DOK5: variants seen among roughly 807,000 people sequenced by gnomAD.
DOK5 encodes docking protein 5, also known as downstream of tyrosine kinase 5.
Under a neutral mutation model 43.3 loss-of-function variants are expected in DOK5, and 27 were observed. That is an observed-to-expected ratio of 0.62 (90% confidence interval 0.46 to 0.86). The LOEUF is 0.86. Ranked by LOEUF, DOK5 falls within the 40% of genes least tolerant of loss-of-function variation. DOK5 has a pLI of 0.00. For missense variants in DOK5, 373 were observed against 392.9 expected (o/e 0.95, Z 0.43); for synonymous variants, 146 against 140.1 (o/e 1.04, Z -0.30).
chr20:54,505,457 A>G (rs1203958289), intron 1 of DOK5, among the ~76,000 whole-genome samples: 1 of 152,100 alleles, frequency 6.6e-6, no homozygotes, highest in African/African-American at 2.4e-5. Flanking sequence ...TCAATTCCCA[A>G]ATGTTTATGG....
At chr20:54,512,231 A>G (rs1384245892) in intron 1 of DOK5, among the ~76,000 whole-genome samples, 5 of 152,232 alleles carry the variant, frequency 3.3e-5, no homozygotes, top group Non-Finnish European at 7.3e-5. Context: ...TCTGCAAAAT[A>G]TACCTATTCA....
chr20:54,585,008 ATC>A (rs1426492326), intron 2 of DOK5, among the ~76,000 whole-genome samples: 56 of 152,186 alleles, frequency 3.7e-4, no homozygotes, highest in Non-Finnish European at 6.9e-4. Context: ...ACTTGTAAAT[ATC>A]TCTGCAAAAT....
intron 1 of DOK5, among the ~76,000 whole-genome samples, chr20:54,503,400 G>A (rs928028548): frequency 1.3e-5 from 2 of 152,114 alleles, no homozygotes; most frequent in African/African-American, 4.8e-5. Context: ...AGTGGACCTG[G>A]CCTTGGAACG....
intron 2 of DOK5, among the ~76,000 whole-genome samples, chr20:54,587,495 G>T (rs923877695): frequency 6.6e-6 from 1 of 152,156 alleles, no homozygotes; most frequent in Non-Finnish European, 1.5e-5. Flanking sequence ...GCACAAAAGA[G>T]ATATATGAAA....
At chr20:54,574,661 A>G (rs1423823589) in intron 2 of DOK5, among the ~76,000 whole-genome samples, 1 of 152,212 alleles carries the variant, frequency 6.6e-6, no homozygotes, top group Non-Finnish European at 1.5e-5. Context: ...ATATTAGTGA[A>G]AAGCATTGTG....
intron 1 of DOK5, among the ~76,000 whole-genome samples, chr20:54,549,011 G>A (rs947629216): frequency 6.6e-6 from 1 of 152,142 alleles, no homozygotes; most frequent in Non-Finnish European, 1.5e-5. Flanking sequence ...AGCTCATGCC[G>A]CTCTGTTTCA....
intron 5 of DOK5, among the ~76,000 whole-genome samples, chr20:54,609,381 T>C (rs1303956672): frequency 2.0e-5 from 3 of 152,206 alleles, no homozygotes; most frequent in Non-Finnish European, 4.4e-5. Flanking sequence ...TAGTTTACTG[T>C]TGGCATATGT....
intron 5 of DOK5, among the ~76,000 whole-genome samples, chr20:54,599,333 G>A (rs996541202): frequency 8.5e-5 from 13 of 152,172 alleles, no homozygotes; most frequent in Non-Finnish European, 1.6e-4. Flanking sequence ...TTATTCATTA[G>A]CATTTTCCTC....
intron 1 of DOK5, among the ~76,000 whole-genome samples, chr20:54,476,844 A>G (rs1424981713): frequency 1.3e-5 from 2 of 152,100 alleles, no homozygotes; most frequent in Non-Finnish European, 2.9e-5. Context: ...GAGGCTTCAA[A>G]AGAGAACCTA....
intron 1 of DOK5, among the ~76,000 whole-genome samples, chr20:54,480,551 G>A (rs1045450632): frequency 9.2e-5 from 14 of 152,270 alleles, no homozygotes; most frequent in African/African-American, 1.9e-4. Context: ...AGCAGCCCTC[G>A]GGGCTGCTCC....
chr20:54,491,354 G>A (rs1440500233), intron 1 of DOK5, among the ~76,000 whole-genome samples: 1 of 152,194 alleles, frequency 6.6e-6, no homozygotes, highest in East Asian at 1.9e-4. Flanking sequence ...AAAGAGGCAA[G>A]TCACCCTAGC....
chr20:54,650,603 G>A lies in DOK5; in HGVS notation c.*124G>A. 3 of 822,350 alleles carry A rather than the reference G, an allele frequency of 3.6e-6. No individual in the cohort carries two copies. The highest frequency in any genetic ancestry group is 5.7e-6 in the Non-Finnish European group (3 of 524,474). 50.9% of individuals were successfully genotyped at this position (822,350 alleles called of 1,614,324 possible). A position where few individuals can be genotyped will look rare whatever the true frequency, so the allele number is the denominator to read the frequency against. ...AAGAAGCTTAAAGTCCTGGCTAATT[G>A]TGTGGTCATTGGAAAACTCTGCAAT... is the stretch of plus-strand genomic sequence containing the variant. On this transcript the variant is annotated 3_prime_UTR_variant, in exon 8 of 8. Coordinates refer to ENST00000262593, the MANE Select transcript of DOK5 (RefSeq NM_018431.5).
intron 6 of DOK5, among the ~76,000 whole-genome samples, chr20:54,642,474 T>A (rs6014103): frequency 6.7e-6 from 1 of 149,382 alleles, no homozygotes; most frequent in Non-Finnish European, 1.5e-5. Context: ...GAGGCCGAGG[T>A]GGGTGGATCA....
At chr20:54,602,598 C>T (rs1303972392) in intron 5 of DOK5, among the ~76,000 whole-genome samples, 2 of 152,148 alleles carry the variant, frequency 1.3e-5, no homozygotes, top group African/African-American at 2.4e-5. Flanking sequence ...TCTAATGTAC[C>T]TGTGTTACTA....
chr20:54,563,542 T>A (rs1790142226), intron 2 of DOK5, among the ~76,000 whole-genome samples: 2 of 152,166 alleles, frequency 1.3e-5, no homozygotes. Context: ...TTCAATAACA[T>A]GGTTAAACCT....
intron 1 of DOK5, among the ~76,000 whole-genome samples, chr20:54,510,334 T>G (rs1982972773): frequency 6.6e-6 from 1 of 152,158 alleles, no homozygotes; most frequent in African/African-American, 2.4e-5. Flanking sequence ...ATATGTACAC[T>G]AAATAGCATA....
chr20:54,644,378 C>A (rs1292945880), intron 7 of DOK5, among the ~76,000 whole-genome samples: 1 of 151,766 alleles, frequency 6.6e-6, no homozygotes, highest in East Asian at 1.9e-4. Flanking sequence ...TGAAGGCCAG[C>A]CTGGCCAACA....
intron 5 of DOK5, among the ~76,000 whole-genome samples, chr20:54,606,022 T>C (rs1986458568): frequency 6.6e-6 from 1 of 152,222 alleles, no homozygotes; most frequent in Non-Finnish European, 1.5e-5. Context: ...AGCCAGGTGA[T>C]CCCTGGTCAA....
intron 1 of DOK5, among the ~76,000 whole-genome samples, chr20:54,500,668 T>A (rs1211022149): frequency 5.3e-5 from 8 of 151,416 alleles, no homozygotes; most frequent in Admixed American, 4.6e-4. Flanking sequence ...TTCAAGCGAT[T>A]CTCCTGCCTC....
Sources: allele counts gnomAD v4.1 joint callset (sites outside exome capture counted in the v4.1 genomes callset), GRCh38; gene constraint gnomAD v4.1.1; transcripts MANE v1.5; gene names NCBI Gene and HGNC (gene_info 2026-07-23, HGNC 2026-07-21).